Variants in NUP155 observed in about 807,000 individuals in gnomAD.
NUP155 encodes nucleoporin 155.
A neutral mutation model predicts 180.4 loss-of-function variants in NUP155; 71 were observed. The observed-to-expected ratio is 0.39, with a 90% confidence interval of 0.33 to 0.48. NUP155 has a LOEUF of 0.48. Ranked by LOEUF, NUP155 falls within the 20% of genes least tolerant of loss-of-function variation. NUP155 has a pLI of 0.91. For missense variants in NUP155, 1,553 were observed against 1,648.9 expected (o/e 0.94, Z 1.01); for synonymous variants, 582 against 559.5 (o/e 1.04, Z -0.57).
At chr5:37,368,949 TG>T (rs1747783211) in intron 1 of NUP155, among the ~76,000 whole-genome samples, 1 of 152,168 alleles carries the variant, frequency 6.6e-6, no homozygotes, top group South Asian at 2.1e-4. Context: ...TTAGTGAGGA[TG>T]GGAATGCTAC....
chr5:37,363,948 G>C lies in NUP155; in HGVS notation c.332C>G (p.Pro111Arg). The change falls in exon 3 of 35, where the codon CCT becomes CGT. Residue 111 changes from proline to arginine, a missense_variant. Pro to Arg is a moderately radical substitution (Grantham distance 103, BLOSUM62 -2). Coordinates refer to ENST00000231498, the MANE Select transcript of NUP155 (RefSeq NM_153485.3). ...AATTGTGAGCCAAGCTCTGCTGATA[G>C]GAGGGAACACACCCATCATGCAATT... ...QCNCMMGVFP[P>R]ISRAWLTIDS... The C allele has an allele frequency of 6.2e-7, 1 of 1,613,902 alleles. No homozygotes were observed. Among genetic ancestry groups the C allele is most frequent in the Non-Finnish European group, 8.5e-7 (1 of 1,179,812 alleles).
intron 20 of NUP155, among the ~76,000 whole-genome samples, chr5:37,322,124 G>T (rs216372): frequency 0.029 from 4,363 of 152,160 alleles, 221 homozygotes; most frequent in African/African-American, 0.099. Flanking sequence ...AAAGTACTGG[G>T]ATTACAGGCA....
At position 37,291,543 on chromosome 5, in the gene NUP155, G is replaced by T; in HGVS notation, c.*357C>A. 1 of 208,086 alleles carries T rather than the reference G, an allele frequency of 4.8e-6. No homozygotes were observed. Among genetic ancestry groups the T allele is most frequent in the Non-Finnish European group, 9.7e-6 (1 of 102,750 alleles). 12.9% of individuals were successfully genotyped at this position (208,086 alleles called of 1,614,324 possible). A position where few individuals can be genotyped will look rare whatever the true frequency, so the allele number is the denominator to read the frequency against. On this transcript the variant is annotated 3_prime_UTR_variant, in exon 35 of 35. Transcript: ENST00000231498. ...CAGGTGTAAGTCACTGTGCCTGGCC[G>T]CCTAGTGGAGTTTTAATGCCAATAT...
chr5:37,289,928 A>C lies in NUP155; in HGVS notation c.*1972T>G, dbSNP rs898277288. 3 of 152,166 alleles carry C rather than the reference A, an allele frequency of 2.0e-5. No individual in the cohort carries two copies. The highest frequency in any genetic ancestry group is 7.2e-5 in the African/African-American group (3 of 41,436). The allele number at this position is 152,166 out of a possible 1,614,324, so 9.4% of individuals were successfully genotyped here. On this transcript the variant is annotated 3_prime_UTR_variant, in exon 35 of 35. Coordinates refer to ENST00000231498, the MANE Select transcript of NUP155 (RefSeq NM_153485.3). ...ATATTCAAAAAACGCTAAACTTAAG[A>C]AACTGAAAAGTTGAAAAATAAGAGG...
Position 37,370,896 on chromosome 5 carries a change from G to A in NUP155, c.82C>T (p.Arg28Trp). 6.2e-7 allele frequency: 1 copy of A among 1,614,192 alleles called. No individual in the cohort carries two copies. Among genetic ancestry groups the A allele is most frequent in the Non-Finnish European group, 8.5e-7 (1 of 1,180,028 alleles). Reference sequence around the variant, plus strand: ...TCTTGCAACTGACGGTCGATGAGCCGTCCAGCATTTTCCAGAGCTTCCTGC... The same window carrying A: ...TCTTGCAACTGACGGTCGATGAGCCATCCAGCATTTTCCAGAGCTTCCTGC... ...ALQEALENAG[R>W]LIDRQLQEDR... Residue 28 changes from arginine to tryptophan, a missense_variant, in exon 1 of 35, where the codon CGG (arginine) becomes TGG (tryptophan). Arg to Trp is a moderately radical substitution (Grantham distance 101, BLOSUM62 -3). Transcript: ENST00000231498.
intron 1 of NUP155, among the ~76,000 whole-genome samples, chr5:37,369,602 A>G (rs989208557): frequency 6.6e-6 from 1 of 150,598 alleles, no homozygotes; most frequent in Non-Finnish European, 1.5e-5. Flanking sequence ...GTTCAAGATG[A>G]TAATTGCTAA....
At chr5:37,294,519 A>C in intron 32 of NUP155, 54 bp from the exon 33 acceptor site, 1 of 1,536,920 alleles carries the variant, frequency 6.5e-7, no homozygotes, top group Non-Finnish European at 9.0e-7. Context: ...TGATACTAAA[A>C]GGTAGGTCTT....
rs1336860967 is a variant in NUP155, at chr5:37,292,923, C to G, written c.3993G>C (p.Leu1331Phe). Residue 1331 changes from leucine to phenylalanine, a missense_variant, in exon 34 of 35, where the codon TTG becomes TTC. Coordinates refer to ENST00000231498, the MANE Select transcript of NUP155 (RefSeq NM_153485.3). ...GGCTGGGATTCTCAACATATCTTAT[C>G]AATAATACATGTATACAATCCAAAA... ...LHLLDCIHVLLIRYVENPSQV... is the reference protein window; with the variant it reads ...LHLLDCIHVLFIRYVENPSQV... The G allele has an allele frequency of 6.2e-7, 1 of 1,612,240 alleles. No individual in the cohort carries two copies. Among genetic ancestry groups the G allele is most frequent in the Non-Finnish European group, 8.5e-7 (1 of 1,178,710 alleles).
chr5:37,316,017 T>C (rs866650918), intron 21 of NUP155, among the ~76,000 whole-genome samples: 1 of 152,152 alleles, frequency 6.6e-6, no homozygotes, highest in African/African-American at 2.4e-5. Context: ...TCAAAAAAAT[T>C]AGTAATAGAA....
chr5:37,301,267 G>C (rs1295472449), intron 30 of NUP155, 170 bp downstream of exon 30: 2 of 574,862 alleles, frequency 3.5e-6, no homozygotes, highest in South Asian at 2.0e-5. Flanking sequence ...TTTTCTAGGA[G>C]TCAGATGAAG....
At chr5:37,325,817 A>G (rs75776178) in intron 19 of NUP155, 84 bp downstream of exon 19, 29 of 831,912 alleles carry the variant, frequency 3.5e-5, no homozygotes, top group Non-Finnish European at 5.6e-5. Flanking sequence ...TATTTGTGTA[A>G]TATCAGGAAA....
At chr5:37,303,236 C>T in intron 28 of NUP155, 24 bp downstream of exon 28, 1 of 1,611,658 alleles carries the variant, frequency 6.2e-7, no homozygotes, top group Non-Finnish European at 8.5e-7. Context: ...AATCATTCTT[C>T]ACAATAAGAA....
At chr5:37,294,215 T>C in intron 33 of NUP155, 114 bp downstream of exon 33, 1 of 708,830 alleles carries the variant, frequency 1.4e-6, no homozygotes, top group Non-Finnish European at 2.4e-6. Context: ...CTCAACCAAG[T>C]GTAATTAGAC....
At chr5:37,327,518 A>C in intron 18 of NUP155, 111 bp downstream of exon 18, 1 of 1,253,640 alleles carries the variant, frequency 8.0e-7, no homozygotes, top group South Asian at 1.3e-5. Context: ...AAGTGAGCTA[A>C]AACTAAAATT....
At chr5:37,308,386 C>T (rs1228737495) in intron 24 of NUP155, among the ~76,000 whole-genome samples, 1 of 151,914 alleles carries the variant, frequency 6.6e-6, no homozygotes, top group Non-Finnish European at 1.5e-5. Context: ...AACCCCACCT[C>T]TACTAAAAAT....
At chr5:37,338,930 A>G (rs180690281) in intron 11 of NUP155, among the ~76,000 whole-genome samples, 1 of 152,252 alleles carries the variant, frequency 6.6e-6, no homozygotes, top group African/African-American at 2.4e-5. Flanking sequence ...TACTTAGTAT[A>G]TAAAAATGCC....
chr5:37,351,168 C>A lies in NUP155; in HGVS notation c.723+22G>T, dbSNP rs72736781. The A allele has an allele frequency of 2.3e-3, 3,613 of 1,602,438 alleles. 12 individuals are homozygous for A. The highest frequency in any genetic ancestry group is 6.0e-3 in the South Asian group (539 of 90,532). On this transcript the variant is annotated intron_variant, in intron 6 of 34. Transcript: ENST00000231498. Reference sequence around the variant, plus strand: ...TACTCCATCAAGAGAGAAAAAAAAACGTTTACAAATGTCAGACTTACCTGG... The same window carrying A: ...TACTCCATCAAGAGAGAAAAAAAAAAGTTTACAAATGTCAGACTTACCTGG...
At chr5:37,325,246 T>A (rs1341258475) in intron 19 of NUP155, among the ~76,000 whole-genome samples, 2 of 152,202 alleles carry the variant, frequency 1.3e-5, no homozygotes, top group African/African-American at 2.4e-5. Context: ...TTCGTTCATA[T>A]ATATGTCAAA....
chr5:37,293,564 T>C (rs183014790), intron 33 of NUP155, among the ~76,000 whole-genome samples: 2 of 152,248 alleles, frequency 1.3e-5, no homozygotes, highest in Non-Finnish European at 2.9e-5. Flanking sequence ...AAGTTTTTAT[T>C]TGGATCTTTT....
Sources: gnomAD v4.1 joint callset for allele counts (sites outside exome capture counted in the v4.1 genomes callset) on GRCh38, gnomAD v4.1.1 for gene constraint, MANE v1.5 for transcripts, NCBI Gene and HGNC (gene_info 2026-07-23, HGNC 2026-07-21) for gene names.